The following NCKAP5 variants were observed in gnomAD, a reference collection of about 807,000 sequenced individuals.
NCKAP5 encodes NCK associated protein 5, also known as nck-associated protein 5.
In NCKAP5, 92 loss-of-function variants were observed where a neutral mutation model predicts 167.0. The ratio of observed to expected loss-of-function variants is 0.55; its 90% CI spans 0.47 to 0.66. The LOEUF (loss-of-function observed/expected upper bound fraction) is 0.66. Ranked by LOEUF, NCKAP5 falls within the 30% of genes least tolerant of loss-of-function variation. The probability of loss-of-function intolerance (pLI) is 0.00; values close to 1 mark genes in which losing one functional copy is unlikely to be tolerated. For missense variants in NCKAP5, 2,378 were observed against 2,315.0 expected (o/e 1.03, Z -0.56); for synonymous variants, 891 against 877.4 (o/e 1.02, Z -0.27).
chr2:133,459,852 T>A (rs1031581039), intron 3 of NCKAP5, among the ~76,000 whole-genome samples: 1 of 152,224 alleles, frequency 6.6e-6, no homozygotes, highest in Non-Finnish European at 1.5e-5. Flanking sequence ...GAAGCACTTT[T>A]ACATGAACTA....
rs1212453888 is a variant in NCKAP5, at chr2:132,673,210, C to T, written c.*79G>A. The T allele has an allele frequency of 2.1e-6, 3 of 1,424,004 alleles. No homozygotes were observed. Among genetic ancestry groups the T allele is most frequent in the East Asian group, 2.7e-5 (1 of 36,484 alleles). The allele number at this position is 1,424,004 out of a possible 1,614,324, so 88.2% of individuals were successfully genotyped here. On this transcript the variant is annotated 3_prime_UTR_variant, in exon 20 of 20. Transcript: ENST00000409261. ...AGTTCTTCTCTTTTTCTAATAAAAT[C>T]ACAGTATTGCTGTTAAATTTATTGA...
chr2:133,073,017 C>T (rs1224466805), intron 6 of NCKAP5, among the ~76,000 whole-genome samples: 1 of 152,030 alleles, frequency 6.6e-6, no homozygotes, highest in Non-Finnish European at 1.5e-5. Context: ...AAAATAATAA[C>T]AATAGGTAAC....
At chr2:133,513,206 G>C (rs2151427403) in intron 3 of NCKAP5, among the ~76,000 whole-genome samples, 1 of 152,300 alleles carries the variant, frequency 6.6e-6, no homozygotes, top group East Asian at 1.9e-4. Context: ...GAATCGTTAA[G>C]GTATGGGAAA....
At chr2:132,682,887 C>CT (rs201009406) in intron 19 of NCKAP5, among the ~76,000 whole-genome samples, 3,189 of 141,554 alleles carry the variant, frequency 0.023, 33 homozygotes, top group Middle Eastern at 0.054. Flanking sequence ...TTTCTTTTTA[C>CT]TTTTTTTTTT....
In NCKAP5 at chr2:132,919,524, G is replaced by A. The variant is rs182794667; in HGVS notation, c.580-40608C>T. Among the ~76,000 whole-genome samples the A allele has an allele frequency of 1.3e-3, 205 of 152,204 alleles. 1 individual carries two copies. Among genetic ancestry groups the A allele is most frequent in the Admixed American group, 1.6e-3 (24 of 15,278 alleles). ...CGCAAACTAGCTAAAAGAAATTAAT[G>A]TTAACACCAATCACAAGATTAAATA... On this transcript the variant is annotated intron_variant, in intron 8 of 19. Transcript: ENST00000409261.
chr2:132,857,088 C>G (rs1689528684), intron 11 of NCKAP5, among the ~76,000 whole-genome samples: 1 of 151,910 alleles, frequency 6.6e-6, no homozygotes, highest in South Asian at 2.1e-4. Flanking sequence ...GTAAGCACTA[C>G]TATGTATTTG....
chr2:133,031,659 C>T (rs1270916253), intron 6 of NCKAP5, among the ~76,000 whole-genome samples: 1 of 152,112 alleles, frequency 6.6e-6, no homozygotes, highest in Non-Finnish European at 1.5e-5. Context: ...CTGGCATCAC[C>T]CCTCCCCTAC....
At chr2:133,387,029 C>A (rs1301885305) in intron 3 of NCKAP5, among the ~76,000 whole-genome samples, 2 of 152,194 alleles carry the variant, frequency 1.3e-5, no homozygotes, top group Non-Finnish European at 2.9e-5. Flanking sequence ...TTAATTGGAG[C>A]ATTTAGCCCA....
chr2:133,013,807 C>T (rs1295980075), intron 6 of NCKAP5, among the ~76,000 whole-genome samples: 2 of 152,148 alleles, frequency 1.3e-5, no homozygotes, highest in Non-Finnish European at 2.9e-5. Flanking sequence ...TGGTTTACAT[C>T]CTTCTGTGTT....
intron 12 of NCKAP5, among the ~76,000 whole-genome samples, chr2:132,791,733 T>C (rs181296658): frequency 6.6e-6 from 1 of 152,222 alleles, no homozygotes; most frequent in African/African-American, 2.4e-5. Flanking sequence ...CCAAATGCAA[T>C]TCCAACTGAC....
chr2:133,030,032 T>A (rs183752069), intron 6 of NCKAP5, among the ~76,000 whole-genome samples: 1 of 152,228 alleles, frequency 6.6e-6, no homozygotes, highest in African/African-American at 2.4e-5. Flanking sequence ...CAGGCACTTG[T>A]AGAAGCTGTT....
intron 19 of NCKAP5, among the ~76,000 whole-genome samples, chr2:132,700,199 T>C (rs1687748667): frequency 6.6e-6 from 1 of 152,236 alleles, no homozygotes; most frequent in South Asian, 2.1e-4. Context: ...TAAAGTTGTT[T>C]AAGTTCTTTG....
the NCKAP5 span, among the ~76,000 whole-genome samples, chr2:133,576,284 T>C: frequency 3.9e-5 from 6 of 152,260 alleles, no homozygotes; most frequent in East Asian, 1.2e-3. Context: ...ATCTGCCTCC[T>C]CTCCTAGAGG....
intron 11 of NCKAP5, among the ~76,000 whole-genome samples, chr2:132,833,028 C>T (rs537352975): frequency 1.3e-5 from 2 of 152,082 alleles, no homozygotes; most frequent in Non-Finnish European, 1.5e-5. Flanking sequence ...TCTCTGCATC[C>T]TTCACAACAT....
At chr2:133,145,568 T>C (rs948414155) in intron 5 of NCKAP5, among the ~76,000 whole-genome samples, 6 of 152,072 alleles carry the variant, frequency 3.9e-5, no homozygotes, top group African/African-American at 1.4e-4. Context: ...TACCTCCCAA[T>C]ATATGAGCTG....
intron 6 of NCKAP5, among the ~76,000 whole-genome samples, chr2:133,066,465 G>A (rs577476261): frequency 6.6e-6 from 1 of 152,244 alleles, no homozygotes; most frequent in East Asian, 1.9e-4. Context: ...AAGAATAACA[G>A]CCCAAGTAGA....
At chr2:133,006,630 T>TA (rs2077978599) in intron 6 of NCKAP5, among the ~76,000 whole-genome samples, 2 of 151,698 alleles carry the variant, frequency 1.3e-5, no homozygotes, top group African/African-American at 2.4e-5. Context: ...TATTTTATTT[T>TA]TTTTTTGACA....
chr2:132,677,370 G>A (rs1436143404), intron 19 of NCKAP5, among the ~76,000 whole-genome samples: 1 of 152,118 alleles, frequency 6.6e-6, no homozygotes. Flanking sequence ...AGCAAGAAGT[G>A]TATAGTGGCA....
At chr2:133,498,489 AGGC>A (rs1682171550) in intron 3 of NCKAP5, among the ~76,000 whole-genome samples, 1 of 139,392 alleles carries the variant, frequency 7.2e-6, no homozygotes, top group African/African-American at 2.6e-5. Context: ...GAAGGCAGGC[AGGC>A]AGGCAGGCAG....
Sources: gnomAD v4.1 joint callset for allele counts (sites outside exome capture counted in the v4.1 genomes callset) on GRCh38, gnomAD v4.1.1 for gene constraint, MANE v1.5 for transcripts, NCBI Gene and HGNC (gene_info 2026-07-23, HGNC 2026-07-21) for gene names.